NOX3: variants seen among roughly 807,000 people sequenced by gnomAD.
NOX3 encodes the protein NADPH oxidase catalytic subunit-like 3.
Under a neutral mutation model 76.7 loss-of-function variants are expected in NOX3, and 74 were observed. The observed-to-expected ratio is 0.96, with a 90% CI of 0.80 to 1.17. The LOEUF (loss-of-function observed/expected upper bound fraction) is 1.17, where lower values mean the gene tolerates loss of function less well. NOX3 is among the 50% of genes most tolerant of loss of function. The pLI, the probability that NOX3 is intolerant of heterozygous loss-of-function variation, is 0.00. For missense variants in NOX3, 695 were observed against 703.3 expected (o/e 0.99, Z 0.13); for synonymous variants, 263 against 261.1 (o/e 1.01, Z -0.07).
intron 10 of NOX3, among the ~76,000 whole-genome samples, chr6:155,414,876 C>T (rs1048085526): frequency 2.0e-5 from 3 of 152,114 alleles, no homozygotes; most frequent in Admixed American, 6.6e-5. Context: ...GATCCACCCA[C>T]CTCGGCCTCC....
At chr6:155,406,103 C>T (rs887215564) in intron 12 of NOX3, among the ~76,000 whole-genome samples, 5 of 152,204 alleles carry the variant, frequency 3.3e-5, no homozygotes, top group African/African-American at 1.2e-4. Flanking sequence ...CAGATCTTTC[C>T]TCAAATATGG....
intron 7 of NOX3, 119 bp downstream of exon 7, chr6:155,436,299 T>G (rs751378438): frequency 3.2e-5 from 36 of 1,140,226 alleles, no homozygotes; most frequent in Non-Finnish European, 4.4e-5. Context: ...TTAGCACACT[T>G]AATAAAGAGT....
intron 10 of NOX3, among the ~76,000 whole-genome samples, 197 bp downstream of exon 10, chr6:155,422,497 C>A (rs974082398): frequency 2.0e-5 from 3 of 152,182 alleles, no homozygotes; most frequent in Admixed American, 6.5e-5. Flanking sequence ...GTCTTGTCAT[C>A]TTTAACAAGA....
chr6:155,445,381 G>A (rs1306112222), intron 4 of NOX3, among the ~76,000 whole-genome samples: 1 of 152,216 alleles, frequency 6.6e-6, no homozygotes, highest in African/African-American at 2.4e-5. Context: ...TGTGGAAGAA[G>A]ATGTGATGGG....
intron 4 of NOX3, among the ~76,000 whole-genome samples, chr6:155,446,572 G>A (rs984531024): frequency 2.0e-5 from 3 of 152,150 alleles, no homozygotes; most frequent in African/African-American, 4.8e-5. Context: ...AGTGATTTGC[G>A]TGACTCGGTG....
chr6:155,424,370 T>A (rs972082298), intron 9 of NOX3, among the ~76,000 whole-genome samples: 6 of 152,206 alleles, frequency 3.9e-5, no homozygotes, highest in Admixed American at 6.5e-5. Flanking sequence ...ATTGGTTGAA[T>A]AAATTGTAAA....
At chr6:155,429,126 A>G (rs1776799182) in intron 8 of NOX3, 79 bp from the exon 9 acceptor site, 1 of 1,343,284 alleles carries the variant, frequency 7.4e-7, no homozygotes, top group Admixed American at 2.5e-5. Context: ...AAAGGTGTTG[A>G]AAATTTTAGA....
chr6:155,411,456 A>T (rs950354663), intron 10 of NOX3, 96 bp from the exon 11 acceptor site: 1 of 1,176,906 alleles, frequency 8.5e-7, no homozygotes, highest in African/African-American at 1.6e-5. Flanking sequence ...TTTGAGCCCA[A>T]ATGGGCACTT....
At chr6:155,398,255 A>G (rs1208882490) in intron 12 of NOX3, among the ~76,000 whole-genome samples, 1 of 133,094 alleles carries the variant, frequency 7.5e-6, no homozygotes, top group African/African-American at 2.8e-5. Context: ...ATGTTTAGTG[A>G]GGATCTCGGG....
intron 4 of NOX3, among the ~76,000 whole-genome samples, chr6:155,447,195 C>A (rs1411696990): frequency 1.3e-5 from 2 of 152,186 alleles, no homozygotes; most frequent in Non-Finnish European, 2.9e-5. Context: ...CAGGCACACG[C>A]CACCATGCCC....
chr6:155,449,027 A>T (rs999662215), intron 4 of NOX3, among the ~76,000 whole-genome samples: 2 of 152,094 alleles, frequency 1.3e-5, no homozygotes, highest in African/African-American at 4.8e-5. Context: ...AGGGCTGGGG[A>T]TGCAGCTTCC....
chr6:155,439,840 C>T (rs1776957624), intron 6 of NOX3, 116 bp downstream of exon 6: 2 of 796,974 alleles, frequency 2.5e-6, no homozygotes, highest in Middle Eastern at 3.7e-4. Flanking sequence ...GCTTTTCACA[C>T]ATTATACGAG....
In NOX3 at chr6:155,443,331, G is replaced by A. The variant is rs758137291; in HGVS notation, c.428C>T (p.Ser143Phe). 6 of 1,614,140 alleles carry A rather than the reference G, an allele frequency of 3.7e-6. No homozygotes were observed. The East Asian group carries it at 1.1e-4, about 30-fold the overall frequency. ...EEAQGLLAALSKLGNTPNESY... is the reference protein window; with the variant it reads ...EEAQGLLAALFKLGNTPNESY... Reference sequence around the variant, plus strand: ...CTCGTTAGGGGTGTTGCCCAGCTTGGAAAGTGCGGCCAGAAGTCCCTGGGC... The same window carrying A: ...CTCGTTAGGGGTGTTGCCCAGCTTGAAAAGTGCGGCCAGAAGTCCCTGGGC... Residue 143 changes from serine to phenylalanine, a missense_variant, in exon 5 of 14, where the codon TCC (serine) becomes TTC (phenylalanine). By Grantham distance (155) the Ser-to-Phe change is radical. Coordinates refer to ENST00000159060, the MANE Select transcript of NOX3 (RefSeq NM_015718.3).
chr6:155,425,968 C>T (rs1233176089), intron 9 of NOX3, among the ~76,000 whole-genome samples: 1 of 152,148 alleles, frequency 6.6e-6, no homozygotes, highest in East Asian at 1.9e-4. Flanking sequence ...GCATCTCACT[C>T]ACAAATTCCA....
At chr6:155,426,395 C>G (rs1193322640) in intron 9 of NOX3, among the ~76,000 whole-genome samples, 1 of 152,070 alleles carries the variant, frequency 6.6e-6, no homozygotes, top group Non-Finnish European at 1.5e-5. Context: ...AACAATCAAG[C>G]AAATATAAAT....
chr6:155,451,202 C>T (rs763358005), intron 4 of NOX3, among the ~76,000 whole-genome samples: 1 of 152,144 alleles, frequency 6.6e-6, no homozygotes, highest in Non-Finnish European at 1.5e-5. Flanking sequence ...TGGTCTCCAA[C>T]TCCTGATCTC....
At chr6:155,421,956 C>T (rs1260570222) in intron 10 of NOX3, among the ~76,000 whole-genome samples, 3 of 152,172 alleles carry the variant, frequency 2.0e-5, no homozygotes, top group African/African-American at 4.8e-5. Context: ...TTAAGTCAAG[C>T]GTCTCCCTTT....
intron 4 of NOX3, among the ~76,000 whole-genome samples, chr6:155,444,258 T>A (rs1451402114): frequency 6.6e-6 from 1 of 152,236 alleles, no homozygotes; most frequent in Non-Finnish European, 1.5e-5. Context: ...ATAAGCAATT[T>A]GTGTTTTACA....
intron 3 of NOX3, among the ~76,000 whole-genome samples, chr6:155,454,562 A>T (rs1047644984): frequency 6.6e-6 from 1 of 152,216 alleles, no homozygotes; most frequent in Admixed American, 6.5e-5. Context: ...TCATGGGGCA[A>T]ATATATCAGG....
Sources: gnomAD v4.1 joint callset for allele counts (sites outside exome capture counted in the v4.1 genomes callset) on GRCh38, gnomAD v4.1.1 for gene constraint, MANE v1.5 for transcripts, NCBI Gene and HGNC (gene_info 2026-07-23, HGNC 2026-07-21) for gene names.